Variants in FCHO2 observed in about 807,000 individuals in gnomAD.
The protein encoded by FCHO2 is F-BAR domain only protein 2.
Under a neutral mutation model 114.1 loss-of-function variants are expected in FCHO2, and 43 were observed. That is an observed-to-expected ratio of 0.38 (90% CI 0.30 to 0.49). The LOEUF (loss-of-function observed/expected upper bound fraction) is 0.49. Ranked by LOEUF, FCHO2 falls within the 20% of genes least tolerant of loss-of-function variation. FCHO2 has a pLI of 0.97. For missense variants in FCHO2, 807 were observed against 950.4 expected, an observed-to-expected ratio of 0.85 and a Z score of 1.98; for synonymous variants, 293 against 315.2, an observed-to-expected ratio of 0.93 and a Z score of 0.75.
chr5:72,989,371 T>C, intron 2 of FCHO2, 56 bp from the exon 3 acceptor site: 1 of 1,261,436 alleles, frequency 7.9e-7, no homozygotes, highest in African/African-American at 1.5e-5. Flanking sequence ...TTGATAACTT[T>C]GCTGTTTTTG....
At chr5:72,956,253 C>A in intron 1 of FCHO2, 124 bp downstream of exon 1, 1 of 1,319,532 alleles carries the variant, frequency 7.6e-7, no homozygotes, top group South Asian at 1.5e-5. Context: ...CCTCCTGCCG[C>A]GTCCCGCCTG....
chr5:73,015,865 A>G (rs1755280729), intron 7 of FCHO2, 141 bp downstream of exon 7: 6 of 433,516 alleles, frequency 1.4e-5, no homozygotes, highest in Non-Finnish European at 1.6e-5. Context: ...AAGATAATAT[A>G]TTTACATGTA....
chr5:73,036,899 AAAG>A (rs1383683689), intron 9 of FCHO2, among the ~76,000 whole-genome samples: 1 of 152,212 alleles, frequency 6.6e-6, no homozygotes, highest in Non-Finnish European at 1.5e-5. Flanking sequence ...TAGGAAAAGA[AAAG>A]AAAATTTTAT....
At chr5:73,024,739 G>A (rs1755827036) in intron 8 of FCHO2, among the ~76,000 whole-genome samples, 1 of 152,098 alleles carries the variant, frequency 6.6e-6, no homozygotes, top group Admixed American at 6.6e-5. Context: ...CCGCGGCCTA[G>A]CAGTGAGACT....
At chr5:72,959,801 T>C (rs1751754592) in intron 1 of FCHO2, among the ~76,000 whole-genome samples, 1 of 151,556 alleles carries the variant, frequency 6.6e-6, no homozygotes, top group African/African-American at 2.4e-5. Flanking sequence ...TTTTTCTGAA[T>C]TGCAGTCTCA....
Position 73,077,559 on chromosome 5 carries a change from G to A in FCHO2, c.1847+66G>A. 6 of 1,485,444 alleles carry A rather than the reference G, an allele frequency of 4.0e-6. No individual in the cohort carries two copies. In the East Asian group the frequency reaches 1.2e-4, roughly 31 times the overall value. 92.0% of individuals were successfully genotyped at this position (1,485,444 alleles called of 1,614,324 possible). A position where few individuals can be genotyped will look rare whatever the true frequency, so the allele number is the denominator to read the frequency against. On this transcript the variant is annotated intron_variant, in intron 21 of 25. Coordinates refer to ENST00000430046, the MANE Select transcript of FCHO2 (RefSeq NM_138782.3). ...AAGATTTTCTTTCCTGCTGTGCACA[G>A]TGGCTCACGCCTGTAATCCCAGCAG...
chr5:73,041,816 T>C (rs1341175674), intron 11 of FCHO2, among the ~76,000 whole-genome samples: 4 of 152,130 alleles, frequency 2.6e-5, no homozygotes, highest in Non-Finnish European at 5.9e-5. Flanking sequence ...TATTTCTTTA[T>C]GTGTAATTAA....
chr5:72,988,225 G>A (rs2112662574), intron 2 of FCHO2, among the ~76,000 whole-genome samples: 2 of 152,224 alleles, frequency 1.3e-5, no homozygotes, highest in East Asian at 3.9e-4. Context: ...GGATCACAAG[G>A]TCAGGAGTTT....
At chr5:72,971,289 G>C (rs1349023135) in intron 2 of FCHO2, among the ~76,000 whole-genome samples, 2 of 151,716 alleles carry the variant, frequency 1.3e-5, no homozygotes, top group African/African-American at 4.8e-5. Context: ...GACTTCCACA[G>C]TGGTTGAACT....
At chr5:73,058,947 T>A (rs1165477980) in intron 17 of FCHO2, among the ~76,000 whole-genome samples, 1 of 152,212 alleles carries the variant, frequency 6.6e-6, no homozygotes, top group Non-Finnish European at 1.5e-5. Context: ...TAGTAATTTA[T>A]CAATTTAAAA....
intron 1 of FCHO2, among the ~76,000 whole-genome samples, chr5:72,961,091 A>G (rs1160112631): frequency 6.6e-6 from 1 of 152,158 alleles, no homozygotes; most frequent in Non-Finnish European, 1.5e-5. Flanking sequence ...TTTAAAATTA[A>G]ATTGAAACAT....
At chr5:73,009,651 C>T (rs1754895677) in intron 6 of FCHO2, among the ~76,000 whole-genome samples, 2 of 152,186 alleles carry the variant, frequency 1.3e-5, no homozygotes. Context: ...ACCTTCCCAC[C>T]TCAGCCTCCT....
intron 9 of FCHO2, 50 bp downstream of exon 9, chr5:73,034,751 T>A: frequency 2.8e-6 from 4 of 1,426,692 alleles, no homozygotes; most frequent in Non-Finnish European, 3.8e-6. Context: ...CTAGCTAGTA[T>A]CTTCTGTTCA....
chr5:73,011,289 C>T (rs1754998521), intron 6 of FCHO2, among the ~76,000 whole-genome samples: 1 of 151,992 alleles, frequency 6.6e-6, no homozygotes, highest in South Asian at 2.1e-4. Context: ...TTTCTTCCTT[C>T]AATAATAAAT....
At chr5:73,005,452 C>G (rs1409373377) in intron 5 of FCHO2, among the ~76,000 whole-genome samples, 1 of 152,160 alleles carries the variant, frequency 6.6e-6, no homozygotes, top group African/African-American at 2.4e-5. Flanking sequence ...AGCTCCCAAC[C>G]TACCCTACTG....
chr5:73,067,906 T>C (rs1742435247), intron 18 of FCHO2, among the ~76,000 whole-genome samples: 1 of 152,026 alleles, frequency 6.6e-6, no homozygotes, highest in South Asian at 2.1e-4. Flanking sequence ...AAAAGATAAA[T>C]GAATTGGAGT....
At chr5:73,085,948 C>T (rs998947408) in intron 24 of FCHO2, among the ~76,000 whole-genome samples, 11 of 151,532 alleles carry the variant, frequency 7.3e-5, no homozygotes, top group African/African-American at 2.7e-4. Context: ...TATGGTGAAA[C>T]CCTGTCTCTA....
At chr5:72,981,416 CG>C (rs1753204550) in intron 2 of FCHO2, among the ~76,000 whole-genome samples, 25 of 152,072 alleles carry the variant, frequency 1.6e-4, no homozygotes, top group Admixed American at 1.6e-3. Context: ...CTGACAATTA[CG>C]TGTCTTGGGG....
chr5:73,028,646 C>CTTTTTT (rs1177312773), intron 8 of FCHO2, among the ~76,000 whole-genome samples: 9 of 112,146 alleles, frequency 8.0e-5, no homozygotes, highest in Non-Finnish European at 1.5e-4. Flanking sequence ...TTATATGATT[C>CTTTTTT]TTTTTTTTTT....
Sources: gnomAD v4.1 joint callset for allele counts (sites outside exome capture counted in the v4.1 genomes callset) on GRCh38, gnomAD v4.1.1 for gene constraint, MANE v1.5 for transcripts, NCBI Gene and HGNC (gene_info 2026-07-23, HGNC 2026-07-21) for gene names.